Variants in PARN observed in about 807,000 individuals in gnomAD.
PARN encodes the protein poly(A)-specific ribonuclease PARN.
In PARN, 71 loss-of-function variants were observed where a neutral mutation model predicts 102.8. The observed-to-expected ratio is 0.69, with a 90% confidence interval of 0.57 to 0.84. The LOEUF (loss-of-function observed/expected upper bound fraction) is 0.84, where lower values mean the gene tolerates loss of function less well. Among genes scored for constraint, PARN ranks in the 40% least tolerant of loss-of-function variants. PARN has a pLI of 0.00. For synonymous variants in PARN, 261 were observed against 252.9 expected (o/e 1.03, Z -0.30); for missense variants, 782 against 760.9 (o/e 1.03, Z -0.33).
intron 23 of PARN, among the ~76,000 whole-genome samples, chr16:14,437,210 GA>G (rs1960742826): frequency 6.6e-6 from 1 of 152,200 alleles, no homozygotes; most frequent in African/African-American, 2.4e-5. Flanking sequence ...GGGGTAATAT[GA>G]CCAGATGTAC....
intron 11 of PARN, among the ~76,000 whole-genome samples, chr16:14,601,597 A>C (rs1970869512): frequency 6.6e-6 from 1 of 152,136 alleles, no homozygotes; most frequent in African/African-American, 2.4e-5. Context: ...AAGATGATAA[A>C]TTTTGTTATG....
chr16:14,502,488 G>A (rs1438736243), intron 21 of PARN, among the ~76,000 whole-genome samples: 3 of 152,180 alleles, frequency 2.0e-5, no homozygotes, highest in Non-Finnish European at 4.4e-5. Flanking sequence ...GAGTGTGAAA[G>A]TTGATATTCA....
chr16:14,565,852 T>C (rs1968396551), intron 18 of PARN, among the ~76,000 whole-genome samples: 1 of 152,158 alleles, frequency 6.6e-6, no homozygotes, highest in Non-Finnish European at 1.5e-5. Flanking sequence ...TTCCCCTATC[T>C]ATGAGGGCTG....
intron 23 of PARN, among the ~76,000 whole-genome samples, chr16:14,442,906 T>C (rs1172806166): frequency 6.6e-6 from 1 of 152,232 alleles, no homozygotes; most frequent in African/African-American, 2.4e-5. Flanking sequence ...CCAGTGACTT[T>C]ATCACATGAA....
chr16:14,534,741 T>C (rs1469486435), intron 21 of PARN, among the ~76,000 whole-genome samples: 4 of 152,126 alleles, frequency 2.6e-5, no homozygotes. Context: ...TTCTGTGAAG[T>C]TCCCCACATC....
intron 14 of PARN, among the ~76,000 whole-genome samples, chr16:14,585,369 T>G (rs896037106): frequency 5.0e-4 from 75 of 150,850 alleles, no homozygotes; most frequent in Non-Finnish European, 6.5e-4. Flanking sequence ...TCTCTGTTTT[T>G]TTTTTTTTTT....
At chr16:14,596,336 C>T (rs1233617870) in intron 12 of PARN, among the ~76,000 whole-genome samples, 1 of 151,222 alleles carries the variant, frequency 6.6e-6, no homozygotes, top group African/African-American at 2.4e-5. Flanking sequence ...ATTTAAGCAA[C>T]AAAGTAAACA....
At chr16:14,481,778 T>C (rs1963397615) in intron 22 of PARN, among the ~76,000 whole-genome samples, 1 of 152,260 alleles carries the variant, frequency 6.6e-6, no homozygotes, top group South Asian at 2.1e-4. Flanking sequence ...CAATTTTCTA[T>C]AATGAACATA....
intron 13 of PARN, among the ~76,000 whole-genome samples, chr16:14,587,929 T>A (rs939344784): frequency 2.6e-5 from 4 of 152,260 alleles, no homozygotes; most frequent in African/African-American, 9.6e-5. Context: ...ATTCATTAAC[T>A]GCTTACACGC....
chr16:14,601,660 C>T (rs897447285), intron 11 of PARN, among the ~76,000 whole-genome samples: 1 of 152,016 alleles, frequency 6.6e-6, no homozygotes, highest in Middle Eastern at 3.2e-3. Context: ...TGGTAGCTCA[C>T]GCTGGTAATC....
intron 19 of PARN, among the ~76,000 whole-genome samples, chr16:14,554,893 G>A (rs546366886): frequency 3.9e-5 from 6 of 151,974 alleles, no homozygotes; most frequent in East Asian, 1.9e-4. Flanking sequence ...AGGCAATCCC[G>A]AGTCATAATC....
rs189131927 is a variant in PARN at position 14,483,740 on chromosome 16, C to T, written c.1481-913G>A. ...GTAGTACAATTATGGCATTATCTTC[C>T]TCAACTTGAAAACTTTGCTGTCACC... On this transcript the variant is annotated intron_variant, in intron 21 of 23. Transcript: ENST00000437198. Among the ~76,000 whole-genome samples, 44 of 152,266 alleles carry T rather than the reference C, an allele frequency of 2.9e-4. 1 individual carries two copies. Among genetic ancestry groups the T allele is most frequent in the Admixed American group, 1.6e-3 (25 of 15,302 alleles).
At chr16:14,494,294 G>A (rs1285174553) in intron 21 of PARN, among the ~76,000 whole-genome samples, 1 of 152,146 alleles carries the variant, frequency 6.6e-6, no homozygotes, top group Admixed American at 6.5e-5. Flanking sequence ...GGCAACTGAG[G>A]CTGAGAGTGA....
intron 22 of PARN, among the ~76,000 whole-genome samples, chr16:14,462,312 G>A (rs1962032829): frequency 6.6e-6 from 1 of 152,014 alleles, no homozygotes; most frequent in Admixed American, 6.6e-5. Flanking sequence ...TCAGAGAAAT[G>A]TCCAAGAAAT....
chr16:14,505,521 A>G (rs970728959), intron 21 of PARN, among the ~76,000 whole-genome samples: 8 of 152,172 alleles, frequency 5.3e-5, no homozygotes, highest in Non-Finnish European at 1.0e-4. Flanking sequence ...ACAAAACTGT[A>G]CAACAAATTG....
At chr16:14,461,528 T>C (rs888585536) in intron 22 of PARN, among the ~76,000 whole-genome samples, 5 of 152,218 alleles carry the variant, frequency 3.3e-5, no homozygotes, top group Non-Finnish European at 5.9e-5. Context: ...GCTCCTTTAA[T>C]GTGAAAGTTT....
intron 21 of PARN, among the ~76,000 whole-genome samples, chr16:14,517,811 T>C (rs1965531333): frequency 6.6e-6 from 1 of 152,100 alleles, no homozygotes; most frequent in African/African-American, 2.4e-5. Context: ...CCTGAGTAGC[T>C]GGGATTACAG....
intron 15 of PARN, 104 bp downstream of exon 15, chr16:14,584,645 T>C (rs1417815337): frequency 1.2e-6 from 1 of 834,282 alleles, no homozygotes; most frequent in African/African-American, 1.7e-5. Flanking sequence ...TCTTTACAGA[T>C]GCATTAAATA....
chr16:14,592,272 C>T (rs917464786), intron 13 of PARN, among the ~76,000 whole-genome samples: 2 of 152,168 alleles, frequency 1.3e-5, no homozygotes, highest in Non-Finnish European at 2.9e-5. Flanking sequence ...TTCAAAACAA[C>T]ACTTAGTCTG....
Sources: gnomAD v4.1 joint callset for allele counts (sites outside exome capture counted in the v4.1 genomes callset) on GRCh38, gnomAD v4.1.1 for gene constraint, MANE v1.5 for transcripts, NCBI Gene and HGNC (gene_info 2026-07-23, HGNC 2026-07-21) for gene names.